The following HDGFL2 variants were observed in gnomAD, a reference collection of about 807,000 sequenced individuals.
HDGFL2 encodes hepatoma-derived growth factor-related protein 2.
In HDGFL2, 36 loss-of-function variants were observed where a neutral mutation model predicts 77.1. The observed-to-expected ratio is 0.47, with a 90% CI of 0.36 to 0.62. The LOEUF is 0.62. Ranked by LOEUF, HDGFL2 falls within the 20% of genes least tolerant of loss-of-function variation. The probability of loss-of-function intolerance (pLI) is 0.00; values close to 1 mark genes in which losing one functional copy is unlikely to be tolerated. For missense variants in HDGFL2, 976 were observed against 973.4 expected (o/e 1.00, Z -0.04); for synonymous variants, 463 against 413.1 (o/e 1.12, Z -1.46).
At position 4,488,800 on chromosome 19, in the gene HDGFL2, A is replaced by T; in HGVS notation, c.413A>T (p.Asp138Val). 1 of 1,551,948 alleles carries T rather than the reference A, an allele frequency of 6.4e-7. No homozygotes were observed. Among genetic ancestry groups the T allele is most frequent in the Non-Finnish European group, 8.7e-7 (1 of 1,147,194 alleles). Residue 138 changes from aspartate to valine, a missense_variant, in exon 4 of 16, where the codon GAC (aspartate) becomes GTC (valine). Transcript: ENST00000616600. ...VTAVTATAASDRMESDSDSDK... is the reference protein window; with the variant it reads ...VTAVTATAASVRMESDSDSDK... ...GCGGTAACCGCCACAGCTGCCAGCG[A>T]CAGGATGGAGAGCGACTCAGACTCA...
chr19:4,484,631 A>G (rs1467130449), intron 3 of HDGFL2, among the ~76,000 whole-genome samples: 1 of 134,636 alleles, frequency 7.4e-6, no homozygotes, highest in Non-Finnish European at 1.6e-5. Context: ...TCCTGAGTAG[A>G]TGGGACTACA....
chr19:4,487,413 C>T (rs72973975), intron 3 of HDGFL2, among the ~76,000 whole-genome samples: 11,974 of 152,164 alleles, frequency 0.079, 529 homozygotes, highest in African/African-American at 0.12. Flanking sequence ...CACACCGCCA[C>T]ACCTTGCTAA....
At chr19:4,488,940 T>C (rs551637446) in intron 4 of HDGFL2, 64 bp downstream of exon 4, 1 of 1,190,286 alleles carries the variant, frequency 8.4e-7, no homozygotes, top group African/African-American at 1.6e-5. Flanking sequence ...CCTGGCAGCT[T>C]GCTCTCCTGC....
intron 2 of HDGFL2, 35 bp from the exon 3 acceptor site, chr19:4,475,410 C>T (rs757946266): frequency 1.2e-6 from 2 of 1,614,116 alleles, no homozygotes; most frequent in Non-Finnish European, 1.7e-6. Flanking sequence ...GGTGGCCTCA[C>T]TCACCTGGGA....
Position 4,501,981 on chromosome 19 carries a change from G to C in HDGFL2, c.1987G>C (p.Asp663His), listed in dbSNP as rs889456040. 8 of 1,513,044 alleles carry C rather than the reference G, an allele frequency of 5.3e-6. No individual in the cohort carries two copies. The highest frequency in any genetic ancestry group is 7.0e-6 in the Non-Finnish European group (8 of 1,137,446). The allele number at this position is 1,513,044 out of a possible 1,614,324, so 93.7% of individuals were successfully genotyped here. ...DRQERERARG[D>H]SEALDEES is the part of the protein sequence containing the mutation. ...GCAGGAGCGCGAGAGGGCACGGGGG[G>C]ACTCGGAGGCCCTGGACGAGGAGAG... The change falls in exon 16 of 16, where the codon GAC becomes CAC. Residue 663 changes from aspartate (D) to histidine (H), a missense_variant. Asp to His is a moderately conservative substitution (Grantham distance 81, BLOSUM62 -1). Coordinates refer to ENST00000616600, the MANE Select transcript of HDGFL2 (RefSeq NM_001001520.3).
chr19:4,500,939 C>T (rs1447866165), intron 14 of HDGFL2, among the ~76,000 whole-genome samples: 1 of 152,170 alleles, frequency 6.6e-6, no homozygotes, highest in African/African-American at 2.4e-5. Flanking sequence ...GTGGGCTTTT[C>T]TCAGGGCTGC....
chr19:4,477,227 C>T (rs1446940059), intron 3 of HDGFL2, among the ~76,000 whole-genome samples: 2 of 152,276 alleles, frequency 1.3e-5, no homozygotes, highest in African/African-American at 2.4e-5. Flanking sequence ...GCCACGCACA[C>T]GTGCCGCACT....
chr19:4,499,112 CTGAGGCAGGCGGA>C (rs1975785940), intron 13 of HDGFL2, among the ~76,000 whole-genome samples, 197 bp downstream of exon 13: 1 of 152,156 alleles, frequency 6.6e-6, no homozygotes, highest in Non-Finnish European at 1.5e-5. Context: ...CTTTGGGAGG[CTGAGGCAGGCGGA>C]TCACGAGGTC....
At chr19:4,481,023 ATTT>A (rs35117226) in intron 3 of HDGFL2, among the ~76,000 whole-genome samples, 6 of 132,598 alleles carry the variant, frequency 4.5e-5, no homozygotes, top group Admixed American at 7.6e-5. Flanking sequence ...AACCCGGCTA[ATTT>A]TTTTTTTTTT....
chr19:4,480,025 G>C (rs1191753355), intron 3 of HDGFL2, among the ~76,000 whole-genome samples: 1 of 150,856 alleles, frequency 6.6e-6, no homozygotes, highest in East Asian at 1.9e-4. Flanking sequence ...GTATAGCAGT[G>C]ACAGTTGGGG....
chr19:4,493,317 C>G (rs111733544), intron 6 of HDGFL2, among the ~76,000 whole-genome samples: 3 of 146,924 alleles, frequency 2.0e-5, no homozygotes, highest in East Asian at 2.0e-4. Flanking sequence ...TGTGTGGTGT[C>G]TGTGTGTGGC....
At chr19:4,483,257 C>T (rs1333357901) in intron 3 of HDGFL2, among the ~76,000 whole-genome samples, 1 of 152,196 alleles carries the variant, frequency 6.6e-6, no homozygotes, top group East Asian at 1.9e-4. Flanking sequence ...ACACCCGGTT[C>T]TCGTTTTCCT....
At position 4,502,053 on chromosome 19, in the gene HDGFL2, C is replaced by A; in HGVS notation, c.*43C>A. ...CCAGCCCCCGCCCGAGCTCAGGCTG[C>A]CCCTCTCCTTCCCCGGCTCGCAGGA... is the stretch of plus-strand genomic sequence containing the variant. On this transcript the variant is annotated 3_prime_UTR_variant, in exon 16 of 16. Transcript: ENST00000616600. 7.3e-7 allele frequency: 1 copy of A among 1,368,646 alleles called. No homozygotes were observed. The highest frequency in any genetic ancestry group is 1.0e-6 in the Non-Finnish European group (1 of 993,732). 84.8% of individuals were successfully genotyped at this position (1,368,646 alleles called of 1,614,324 possible).
chr19:4,478,081 A>AAG (rs1187406040), intron 3 of HDGFL2, among the ~76,000 whole-genome samples: 1 of 145,974 alleles, frequency 6.9e-6, no homozygotes, highest in Non-Finnish European at 1.5e-5. Flanking sequence ...CTCTGTCTCA[A>AAG]AAAAAAAAAA....
At chr19:4,485,285 G>T (rs1282302271) in intron 3 of HDGFL2, among the ~76,000 whole-genome samples, 1 of 152,150 alleles carries the variant, frequency 6.6e-6, no homozygotes, top group Non-Finnish European at 1.5e-5. Flanking sequence ...TCTCACTTCT[G>T]TCAGCTGAGC....
intron 9 of HDGFL2, among the ~76,000 whole-genome samples, chr19:4,495,020 G>C (rs181636095): frequency 6.6e-6 from 1 of 152,172 alleles, no homozygotes; most frequent in East Asian, 1.9e-4. Context: ...TGGGGTGGGG[G>C]GTTTCTCTTT....
intron 9 of HDGFL2, among the ~76,000 whole-genome samples, chr19:4,495,782 C>T (rs1158079335): frequency 6.6e-6 from 1 of 152,004 alleles, no homozygotes; most frequent in East Asian, 1.9e-4. Flanking sequence ...TAGGAGGCCT[C>T]CTAGGGTGGT....
intron 3 of HDGFL2, among the ~76,000 whole-genome samples, chr19:4,478,349 C>T (rs1975126521): frequency 6.6e-6 from 1 of 151,338 alleles, no homozygotes; most frequent in Non-Finnish European, 1.5e-5. Context: ...ACTATGGGCG[C>T]CCACTACCAT....
intron 3 of HDGFL2, among the ~76,000 whole-genome samples, chr19:4,486,794 T>C (rs1402506193): frequency 3.3e-5 from 5 of 152,158 alleles, no homozygotes; most frequent in Non-Finnish European, 7.3e-5. Context: ...GTGCCCCATA[T>C]GGGTATATGT....
Sources: allele counts gnomAD v4.1 joint callset (sites outside exome capture counted in the v4.1 genomes callset), GRCh38; gene constraint gnomAD v4.1.1; transcripts MANE v1.5; gene names NCBI Gene and HGNC (gene_info 2026-07-23, HGNC 2026-07-21).